Variants in MAN1A2 observed in about 807,000 individuals in gnomAD.
The protein encoded by MAN1A2 is mannosyl-oligosaccharide 1,2-alpha-mannosidase IB.
A neutral mutation model predicts 75.7 loss-of-function variants in MAN1A2; 26 were observed. The ratio of observed to expected loss-of-function variants is 0.34; its 90% CI spans 0.25 to 0.48. The LOEUF (loss-of-function observed/expected upper bound fraction) is 0.48, where lower values mean the gene tolerates loss of function less well. Among genes scored for constraint, MAN1A2 ranks in the 20% least tolerant of loss-of-function variants. The probability of loss-of-function intolerance (pLI) is 0.99; values close to 1 mark genes in which losing one functional copy is unlikely to be tolerated. For missense variants in MAN1A2, 562 were observed against 775.5 expected (o/e 0.72, Z 3.27); for synonymous variants, 247 against 264.6 (o/e 0.93, Z 0.65).
At chr1:117,454,991 G>C (rs1380641609) in intron 6 of MAN1A2, among the ~76,000 whole-genome samples, 1 of 152,136 alleles carries the variant, frequency 6.6e-6, no homozygotes, top group Non-Finnish European at 1.5e-5. Flanking sequence ...CAGGAATAGA[G>C]AAGGAAACAA....
chr1:117,405,520 T>C, intron 2 of MAN1A2, 29 bp from the exon 3 acceptor site: 2 of 1,363,712 alleles, frequency 1.5e-6, no homozygotes, highest in Non-Finnish European at 2.1e-6. Context: ...AAAATTTAAA[T>C]TGATGGATTA....
At chr1:117,390,758 C>T (rs1032139418) in intron 1 of MAN1A2, among the ~76,000 whole-genome samples, 1 of 151,410 alleles carries the variant, frequency 6.6e-6, no homozygotes, top group Admixed American at 6.6e-5. Flanking sequence ...TGCTATAATT[C>T]TCTCTTTAAC....
At chr1:117,443,536 T>C (rs1649112796) in intron 6 of MAN1A2, among the ~76,000 whole-genome samples, 1 of 152,130 alleles carries the variant, frequency 6.6e-6, no homozygotes, top group Non-Finnish European at 1.5e-5. Flanking sequence ...TTAATTCCGA[T>C]AGGAAGACAG....
chr1:117,458,525 T>TAA lies in MAN1A2; in HGVS notation c.951-1964_951-1963insAA, dbSNP rs1557959206. Among the ~76,000 whole-genome samples the TAA allele has an allele frequency of 6.0e-3, 259 of 43,194 alleles. 8 individuals carry two copies. Among genetic ancestry groups the TAA allele is most frequent in the Non-Finnish European group, 9.8e-3 (168 of 17,164 alleles). 28.3% of individuals were successfully genotyped at this position (43,194 alleles called of 152,430 possible). A position where few individuals can be genotyped will look rare whatever the true frequency, so the allele number is the denominator to read the frequency against. On this transcript the variant is annotated intron_variant, in intron 6 of 12. Transcript: ENST00000356554. ...TATATATATATAGATATATATATAT[T>TAA]TTTTTTTTTTTTTTTGAGACAGAGT...
intron 4 of MAN1A2, 61 bp from the exon 5 acceptor site, chr1:117,420,508 A>G (rs143811177): frequency 8.4e-7 from 1 of 1,192,840 alleles, no homozygotes; most frequent in Non-Finnish European, 1.2e-6. Flanking sequence ...AAGTATTGAT[A>G]ATATTTTGAA....
At chr1:117,442,862 A>C (rs1188197839) in intron 6 of MAN1A2, among the ~76,000 whole-genome samples, 1 of 152,190 alleles carries the variant, frequency 6.6e-6, no homozygotes, top group Non-Finnish European at 1.5e-5. Context: ...GTGAACTCTT[A>C]AGCATCAATC....
chr1:117,428,248 G>A (rs1648444011), intron 5 of MAN1A2, among the ~76,000 whole-genome samples: 1 of 151,740 alleles, frequency 6.6e-6, no homozygotes, highest in Non-Finnish European at 1.5e-5. Context: ...CTGAGTAGCT[G>A]GGACCACAGG....
intron 12 of MAN1A2, chr1:117,515,510 A>G (rs1453537957): frequency 6.6e-6 from 1 of 152,138 alleles, no homozygotes; most frequent in Non-Finnish European, 1.5e-5. Flanking sequence ...AATTAGTAAG[A>G]TGTTAATAGG....
At chr1:117,455,936 G>A (rs1649568718) in intron 6 of MAN1A2, among the ~76,000 whole-genome samples, 1 of 151,892 alleles carries the variant, frequency 6.6e-6, no homozygotes, top group African/African-American at 2.4e-5. Flanking sequence ...TTCATCTGCT[G>A]TCAAACAAGG....
intron 12 of MAN1A2, 57 bp from the exon 13 acceptor site, chr1:117,522,768 A>T: frequency 6.6e-7 from 1 of 1,510,568 alleles, no homozygotes; most frequent in Non-Finnish European, 9.1e-7. Context: ...AAGTGAGCTC[A>T]CTTCATGTTC....
chr1:117,497,977 A>T (rs1651084351), intron 10 of MAN1A2, among the ~76,000 whole-genome samples: 1 of 151,936 alleles, frequency 6.6e-6, no homozygotes, highest in Admixed American at 6.6e-5. Context: ...AATTTATGCT[A>T]GTTCATAAAT....
At chr1:117,514,702 G>C (rs1220261973) in intron 12 of MAN1A2, 1 of 411,020 alleles carries the variant, frequency 2.4e-6, no homozygotes, top group East Asian at 6.0e-5. Context: ...AAGTGACTAA[G>C]TAATATATTT....
At chr1:117,518,815 C>G (rs1461923171) in intron 12 of MAN1A2, among the ~76,000 whole-genome samples, 1 of 152,030 alleles carries the variant, frequency 6.6e-6, no homozygotes, top group East Asian at 1.9e-4. Context: ...TGGATTTAAA[C>G]TATACCCTGG....
intron 8 of MAN1A2, among the ~76,000 whole-genome samples, chr1:117,475,226 T>C (rs139643519): frequency 6.6e-6 from 1 of 152,098 alleles, no homozygotes; most frequent in East Asian, 1.9e-4. Flanking sequence ...TATGTTTAAC[T>C]TTTTTAAGGA....
Position 117,527,245 on chromosome 1 carries a change from C to T in MAN1A2, c.*4288C>T, listed in dbSNP as rs1453276392. The stretch of plus-strand genomic sequence containing the variant: ...CAGTCTCTCTTATTACTCATTTCTG[C>T]TGTTGAAGTATCGAAAACAGATAGA... On this transcript the variant is annotated 3_prime_UTR_variant, in exon 13 of 13. Coordinates refer to ENST00000356554, the MANE Select transcript of MAN1A2 (RefSeq NM_006699.5). The T allele has an allele frequency of 6.6e-6, 1 of 151,700 alleles. No individual in the cohort carries two copies. Among genetic ancestry groups the T allele is most frequent in the Non-Finnish European group, 1.5e-5 (1 of 67,838 alleles). 9.4% of individuals were successfully genotyped at this position (151,700 alleles called of 1,614,324 possible).
intron 5 of MAN1A2, among the ~76,000 whole-genome samples, chr1:117,423,180 A>C (rs774192639): frequency 1.4e-4 from 22 of 152,166 alleles, no homozygotes; most frequent in Admixed American, 2.6e-4. Flanking sequence ...ACCTTTGTTG[A>C]AAATCAGTTG....
intron 1 of MAN1A2, among the ~76,000 whole-genome samples, chr1:117,370,564 A>G (rs1652926054): frequency 6.6e-6 from 1 of 152,240 alleles, no homozygotes; most frequent in Admixed American, 6.5e-5. Context: ...TTTTAAATTA[A>G]GTGTATGTTT....
intron 12 of MAN1A2, among the ~76,000 whole-genome samples, chr1:117,507,539 G>T: frequency 6.6e-6 from 1 of 151,570 alleles, no homozygotes; most frequent in Non-Finnish European, 1.5e-5. Flanking sequence ...ATACTGTATT[G>T]AGATTGAGGA....
At chr1:117,449,817 A>G (rs968915987) in intron 6 of MAN1A2, among the ~76,000 whole-genome samples, 6 of 152,222 alleles carry the variant, frequency 3.9e-5, no homozygotes, top group Non-Finnish European at 5.9e-5. Context: ...CATTCTCTTA[A>G]GCCAAAGCCT....
Sources: allele counts gnomAD v4.1 joint callset (sites outside exome capture counted in the v4.1 genomes callset), GRCh38; gene constraint gnomAD v4.1.1; transcripts MANE v1.5; gene names NCBI Gene and HGNC (gene_info 2026-07-23, HGNC 2026-07-21).